The following COL9A2 variants were observed in gnomAD, a reference collection of about 807,000 sequenced individuals.
COL9A2 encodes the protein collagen alpha-2(IX) chain.
A neutral mutation model predicts 111.6 loss-of-function variants in COL9A2; 66 were observed. The ratio of observed to expected loss-of-function variants is 0.59; its 90% CI spans 0.48 to 0.73. The LOEUF (loss-of-function observed/expected upper bound fraction) is 0.73. COL9A2 is among the 30% of genes least tolerant of loss of function. COL9A2 has a pLI of 0.00. For missense variants in COL9A2, 881 were observed against 954.1 expected (o/e 0.92, Z 1.01); for synonymous variants, 353 against 364.1 (o/e 0.97, Z 0.35).
chr1:40,312,342 ACACTAT>A lies in COL9A2; in HGVS notation c.363+108_363+113del. On this transcript the variant is annotated intron_variant, in intron 7 of 31. Coordinates refer to ENST00000372748, the MANE Select transcript of COL9A2 (RefSeq NM_001852.4). This position sits in a 1 kb window ranked among gnomAD's most constrained non-coding sequence, Gnocchi z 6.0. ...TCTCTGGCAGGTCCACTTATTCCTGACACTATCACAGCAAGCTGGCTCCTTCCCATG... is the reference window on the plus strand; with the variant it reads ...TCTCTGGCAGGTCCACTTATTCCTGACACAGCAAGCTGGCTCCTTCCCATG... 1 of 1,433,700 alleles carries A rather than the reference ACACTAT, an allele frequency of 7.0e-7. No homozygotes were observed. The allele number at this position is 1,433,700 out of a possible 1,614,324, so 88.8% of individuals were successfully genotyped here.
At chr1:40,304,436 G>A in intron 23 of COL9A2, 40 bp downstream of exon 23, 1 of 1,613,648 alleles carries the variant, frequency 6.2e-7, no homozygotes, top group Non-Finnish European at 8.5e-7. Context: ...TGAGGGGCCT[G>A]GATATGACGC....
At position 40,310,764 on chromosome 1, in the gene COL9A2, G is replaced by T; in HGVS notation, c.634C>A (p.Pro212Thr). ...GDPGHQGKPG[P>T]KGDVGASGEQ... ...CCAGAGGCACCCACATCTCCCTTGG[G>T]ACCCTAAAGGGCAGGGATGAGCTGT... Residue 212 changes from proline (P) to threonine (T), a missense_variant, in exon 13 of 32, where the codon CCC becomes ACC. Transcript: ENST00000372748. This position sits in a 1 kb window ranked among gnomAD's most constrained non-coding sequence, Gnocchi z 4.9. 6.4e-7 allele frequency: 1 copy of T among 1,561,660 alleles called. No individual in the cohort carries two copies.
chr1:40,312,578 A>C lies in COL9A2; in HGVS notation c.335T>G (p.Leu112Arg), dbSNP rs143008970. The change falls in exon 6 of 32, where the codon CTT (leucine) becomes CGT (arginine). Residue 112 changes from leucine (L) to arginine (R), a missense_variant. By Grantham distance (102) the Leu-to-Arg change is moderately radical. Transcript: ENST00000372748. This position sits in a 1 kb window ranked among gnomAD's most constrained non-coding sequence, Gnocchi z 6.0. ...GQPGLPGPPG[L>R]PGPGFAGPPG... ...GCCCTTGCAGGTTGTACTCACCGGA[A>C]GGCCAGGAGGACCAGGAAGCCCGGG... 135 of 1,613,936 alleles carry C rather than the reference A, an allele frequency of 8.4e-5. No homozygotes were observed. In the African/African-American group the frequency reaches 1.6e-3, roughly 19 times the overall value.
Position 40,310,221 on chromosome 1 carries a change from CA to C in COL9A2, c.738+42del, listed in dbSNP as rs753143702. ...TGGCTGAACTCCAGGGGCCAGAAGG[CA>C]GCTCCTGGAAGCTCTTGTAGAACAC... On this transcript the variant is annotated intron_variant, in intron 14 of 31. Transcript: ENST00000372748. The surrounding 1 kb of genome is among the most constrained non-coding windows in gnomAD (Gnocchi z 4.9). The C allele has an allele frequency of 6.2e-7, 1 of 1,613,116 alleles. No individual in the cohort carries two copies. Among genetic ancestry groups the C allele is most frequent in the Non-Finnish European group, 8.5e-7 (1 of 1,179,042 alleles).
rs1644143561 is a variant in COL9A2, at chr1:40,312,332, C to G, written c.363+124G>C. On this transcript the variant is annotated intron_variant, in intron 7 of 31. Coordinates refer to ENST00000372748, the MANE Select transcript of COL9A2 (RefSeq NM_001852.4). This position sits in a 1 kb window ranked among gnomAD's most constrained non-coding sequence, Gnocchi z 6.0. ...TGGCCCTGGGTCTCTGGCAGGTCCA[C>G]TTATTCCTGACACTATCACAGCAAG... The G allele has an allele frequency of 7.2e-7, 1 of 1,394,086 alleles. No individual in the cohort carries two copies. Among genetic ancestry groups the G allele is most frequent in the African/African-American group, 1.4e-5 (1 of 69,672 alleles). 86.4% of individuals were successfully genotyped at this position (1,394,086 alleles called of 1,614,324 possible). A position where few individuals can be genotyped will look rare whatever the true frequency, so the allele number is the denominator to read the frequency against.
At position 40,314,300 on chromosome 1, in the gene COL9A2, G is replaced by A. The variant is rs1644181151; in HGVS notation, c.187-33C>T. The A allele has an allele frequency of 3.1e-6, 5 of 1,614,132 alleles. No individual in the cohort carries two copies. Among genetic ancestry groups the A allele is most frequent in the Non-Finnish European group, 3.4e-6 (4 of 1,180,056 alleles). Reference sequence around the variant, plus strand: ...ACAGAGATGGAACAAACATGAGCCAGAGGAGGGCAAGAGCAGGAAGGGTCA... The same window carrying A: ...ACAGAGATGGAACAAACATGAGCCAAAGGAGGGCAAGAGCAGGAAGGGTCA... On this transcript the variant is annotated intron_variant, in intron 3 of 31. Transcript: ENST00000372748. The surrounding 1 kb of genome is among the most constrained non-coding windows in gnomAD (Gnocchi z 4.1).
intron 2 of COL9A2, chr1:40,315,289 C>A: frequency 8.2e-7 from 1 of 1,219,908 alleles, no homozygotes; most frequent in Non-Finnish European, 1.0e-6. Flanking sequence ...TGAGTCGCCT[C>A]CTACCCCACA....
intron 2 of COL9A2, 132 bp downstream of exon 2, chr1:40,315,458 G>A (rs1644203301): frequency 2.7e-6 from 4 of 1,457,766 alleles, no homozygotes; most frequent in East Asian, 5.2e-5. Context: ...GGTGCGGGCC[G>A]GCGCCGCCTA....
rs1248779524 is a variant in COL9A2, at chr1:40,313,312, G to T, written c.250-528C>A. 2.6e-5 allele frequency among the ~76,000 whole-genome samples: 4 copies of T among 152,152 alleles called. No individual in the cohort carries two copies. The East Asian group carries it at 7.7e-4, about 29-fold the overall frequency. On this transcript the variant is annotated intron_variant, in intron 4 of 31. Transcript: ENST00000372748. ...GCCTCCCAAGTAGCTAGGACCAGGG[G>T]CATGCGCCACCACGCTTGGGTAATT... is the stretch of plus-strand genomic sequence containing the variant.
chr1:40,315,113 T>G, intron 2 of COL9A2: 1 of 571,826 alleles, frequency 1.7e-6, no homozygotes. Flanking sequence ...CAGAATGAGG[T>G]ATTTAACCCT....
At position 40,310,802 on chromosome 1, in the gene COL9A2, C is replaced by T; in HGVS notation, c.631-35G>A. The stretch of plus-strand genomic sequence containing the variant: ...AGGGATGAGCTGTCAGACAGGCAGG[C>T]AGATGGAAAGACACATATACAGACA... On this transcript the variant is annotated intron_variant, in intron 12 of 31. Transcript: ENST00000372748. The surrounding 1 kb of genome is among the most constrained non-coding windows in gnomAD (Gnocchi z 4.9). 1 of 1,533,996 alleles carries T rather than the reference C, an allele frequency of 6.5e-7. No homozygotes were observed. Among genetic ancestry groups the T allele is most frequent in the Non-Finnish European group, 8.8e-7 (1 of 1,130,496 alleles).
Position 40,302,340 on chromosome 1 carries a change from C to T in COL9A2, c.1792+281G>A, listed in dbSNP as rs912932913. The stretch of plus-strand genomic sequence containing the variant: ...TGGCTCCAGCCTGCCTGCTTTACTG[C>T]TCTGCTGGTCTGCCGCCCCATCTCT... On this transcript the variant is annotated intron_variant, in intron 30 of 31. Coordinates refer to ENST00000372748, the MANE Select transcript of COL9A2 (RefSeq NM_001852.4). This position sits in a 1 kb window ranked among gnomAD's most constrained non-coding sequence, Gnocchi z 4.5. Among the ~76,000 whole-genome samples the T allele has an allele frequency of 3.3e-5, 5 of 152,208 alleles. No individual in the cohort carries two copies. Among genetic ancestry groups the T allele is most frequent in the Non-Finnish European group, 7.3e-5 (5 of 68,038 alleles).
At chr1:40,308,313 G>T in intron 16 of COL9A2, 68 bp from the exon 17 acceptor site, 1 of 1,495,664 alleles carries the variant, frequency 6.7e-7, no homozygotes, top group Non-Finnish European at 9.2e-7. Context: ...GCAGAGAGGG[G>T]AACCACTGAG....
In COL9A2 at chr1:40,301,827, G is replaced by A. The variant is rs774879246; in HGVS notation, c.1855C>T (p.Pro619Ser). The part of the protein sequence containing the change: ...VGRGHPGMPG[P>S]PGIPGLPGRP... ...AATGGCTTACCTGGGATCCCTGGGG[G>A]CCCAGGCATCCCGGGGTGCCCCCGT... Residue 619 changes from proline (P) to serine (S), a missense_variant, in exon 31 of 32, where the codon CCC (proline) becomes TCC (serine). Transcript: ENST00000372748. The A allele has an allele frequency of 6.8e-6, 11 of 1,613,880 alleles. No homozygotes were observed. The highest frequency in any genetic ancestry group is 1.3e-5 in the African/African-American group (1 of 74,936).
intron 17 of COL9A2, 109 bp downstream of exon 17, chr1:40,308,083 C>A: frequency 9.1e-7 from 1 of 1,102,492 alleles, no homozygotes; most frequent in East Asian, 2.4e-5. Context: ...GGAGCCAGCC[C>A]ACCAGTTGCA....
intron 25 of COL9A2, 31 bp from the exon 26 acceptor site, chr1:40,304,003 G>A (rs747936081): frequency 1.1e-5 from 17 of 1,569,974 alleles, no homozygotes; most frequent in Non-Finnish European, 1.5e-5. Flanking sequence ...CAGACGCGCG[G>A]TGGCGGCGGG....
chr1:40,304,180 T>C, intron 24 of COL9A2, 81 bp from the exon 25 acceptor site: 5 of 1,515,804 alleles, frequency 3.3e-6, no homozygotes, highest in Non-Finnish European at 4.4e-6. Context: ...CACACCCCTC[T>C]TTCCAACTCC....
At position 40,311,716 on chromosome 1, in the gene COL9A2, C is replaced by T; in HGVS notation, c.418-1G>A. 1 of 1,613,944 alleles carries T rather than the reference C, an allele frequency of 6.2e-7. No individual in the cohort carries two copies. The highest frequency in any genetic ancestry group is 8.5e-7 in the Non-Finnish European group (1 of 1,179,978). ...ATGGTCCATCTGGTCCAGGGTCCCC[C>T]TGGAAGCAAAAGAAGCCCAAATCAT... On this transcript the variant is annotated splice_acceptor_variant, in intron 8 of 31. Coordinates refer to ENST00000372748, the MANE Select transcript of COL9A2 (RefSeq NM_001852.4). LOFTEE classifies it high-confidence loss of function. This position sits in a 1 kb window ranked among gnomAD's most constrained non-coding sequence, Gnocchi z 5.1.
Position 40,301,074 on chromosome 1 carries a change from G to A in COL9A2, c.*108C>T, listed in dbSNP as rs1643907247. Reference sequence around the variant, plus strand: ...TAGGACTCCTGAGTCCCAGACAGAAGGTCCTGGGGGAGATGGTTTCCTGGA... The same window carrying A: ...TAGGACTCCTGAGTCCCAGACAGAAAGTCCTGGGGGAGATGGTTTCCTGGA... On this transcript the variant is annotated 3_prime_UTR_variant, in exon 32 of 32. Coordinates refer to ENST00000372748, the MANE Select transcript of COL9A2 (RefSeq NM_001852.4). 2 of 1,165,640 alleles carry A rather than the reference G, an allele frequency of 1.7e-6. No individual in the cohort carries two copies. Among genetic ancestry groups the A allele is most frequent in the Admixed American group, 2.0e-5 (1 of 51,210 alleles). The allele number at this position is 1,165,640 out of a possible 1,614,324, so 72.2% of individuals were successfully genotyped here.
Sources: gnomAD v4.1 joint callset for allele counts (sites outside exome capture counted in the v4.1 genomes callset) on GRCh38, gnomAD v4.1.1 for gene constraint, Gnocchi (gnomAD v3.1) non-coding constraint, MANE v1.5 for transcripts, NCBI Gene and HGNC (gene_info 2026-07-23, HGNC 2026-07-21) for gene names.